ARHGEF6: variants seen among roughly 807,000 people sequenced by gnomAD.
The protein encoded by ARHGEF6 is Rac/Cdc42 guanine nucleotide exchange factor 6.
A neutral mutation model predicts 70.3 loss-of-function variants in ARHGEF6; 9 were observed. That is an observed-to-expected ratio of 0.13 (90% CI 0.08 to 0.22). The LOEUF (loss-of-function observed/expected upper bound fraction) is 0.22, where lower values mean the gene tolerates loss of function less well. Among genes scored for constraint, ARHGEF6 ranks in the 10% least tolerant of loss-of-function variants. The probability of loss-of-function intolerance (pLI) is 1.00; values close to 1 mark genes in which losing one functional copy is unlikely to be tolerated. For synonymous variants in ARHGEF6, 201 were observed against 207.8 expected (o/e 0.97, Z 0.28); for missense variants, 470 against 563.0 (o/e 0.83, Z 1.67).
intron 9 of ARHGEF6, among the ~76,000 whole-genome samples, chrX:136,695,513 CA>C (rs768401046): frequency 1.8e-5 from 2 of 112,506 alleles, no homozygotes; most frequent in South Asian, 7.3e-4. Context: ...AACATTTTAA[CA>C]CATAGAGTTA....
intron 9 of ARHGEF6, among the ~76,000 whole-genome samples, chrX:136,694,715 AG>A (rs1339007616): frequency 9.0e-6 from 1 of 111,657 alleles, no homozygotes; most frequent in Non-Finnish European, 1.9e-5. Flanking sequence ...TGTAAAAGAG[AG>A]GTTATTCCCA....
chrX:136,777,680 A>G (rs1435677464), intron 2 of ARHGEF6, among the ~76,000 whole-genome samples: 2 of 110,635 alleles, frequency 1.8e-5, no homozygotes, highest in Non-Finnish European at 3.8e-5. Context: ...GCAATTGCAA[A>G]GTTATGGACC....
At chrX:136,711,238 C>T (rs1473539873) in intron 7 of ARHGEF6, among the ~76,000 whole-genome samples, 1 of 112,081 alleles carries the variant, frequency 8.9e-6, no homozygotes, top group Non-Finnish European at 1.9e-5. Context: ...CCCTCTCCTT[C>T]ATTTAAAATC....
chrX:136,668,820 G>T (rs1444691853), intron 21 of ARHGEF6, among the ~76,000 whole-genome samples: 1 of 110,703 alleles, frequency 9.0e-6, no homozygotes, highest in Non-Finnish European at 1.9e-5. Context: ...ACCACCATAT[G>T]CAACCAGACA....
chrX:136,695,312 T>C (rs2076499270), intron 9 of ARHGEF6, among the ~76,000 whole-genome samples: 1 of 112,374 alleles, frequency 8.9e-6, no homozygotes, highest in South Asian at 3.6e-4. Flanking sequence ...CCAGTGAGTC[T>C]TCCATCATTT....
chrX:136,766,401 G>T (rs2148681304), intron 2 of ARHGEF6, among the ~76,000 whole-genome samples: 1 of 106,825 alleles, frequency 9.4e-6, no homozygotes, highest in South Asian at 4.3e-4. Context: ...TTGGGGGGGG[G>T]TTATGCAAAG....
chrX:136,673,292 C>T (rs1013031376), intron 19 of ARHGEF6, among the ~76,000 whole-genome samples: 8 of 111,029 alleles, frequency 7.2e-5, no homozygotes, highest in East Asian at 2.8e-4. Context: ...TACCAAGGGA[C>T]GAATATAAGT....
intron 5 of ARHGEF6, among the ~76,000 whole-genome samples, chrX:136,732,621 T>C (rs779704940): frequency 3.9e-4 from 44 of 112,597 alleles, no homozygotes; most frequent in Non-Finnish European, 6.9e-4. Context: ...ATTTTGATAT[T>C]TTCCTGCCTT....
In ARHGEF6 at chrX:136,672,759, C is replaced by G. The variant is rs1372277186; in HGVS notation, c.2036-640G>C. Among the ~76,000 whole-genome samples, 4 of 112,378 alleles carry G rather than the reference C, an allele frequency of 3.6e-5. 1 individual carries two copies. Among genetic ancestry groups the G allele is most frequent in the Middle Eastern group, 9.3e-3 (2 of 216 alleles). ...CTCTGGGACAGAAGAGGTGACAGAACAGGCATGGGGGCCCAACCAAACAGC... is the reference window on the plus strand; with the variant it reads ...CTCTGGGACAGAAGAGGTGACAGAAGAGGCATGGGGGCCCAACCAAACAGC... On this transcript the variant is annotated intron_variant, in intron 19 of 21. Transcript: ENST00000250617.
At chrX:136,775,690 T>C (rs60797069) in intron 2 of ARHGEF6, among the ~76,000 whole-genome samples, 39,814 of 110,162 alleles carry the variant, frequency 0.36, 6,273 homozygotes, top group Non-Finnish European at 0.5. Context: ...CTGGAAGTCC[T>C]AGCCAGAGCA....
intron 2 of ARHGEF6, among the ~76,000 whole-genome samples, chrX:136,748,389 T>C (rs888622016): frequency 1.8e-5 from 2 of 112,711 alleles, no homozygotes; most frequent in African/African-American, 6.5e-5. Context: ...CAATCTGATA[T>C]GCTATTGTCC....
intron 2 of ARHGEF6, among the ~76,000 whole-genome samples, chrX:136,778,330 A>G (rs959673622): frequency 1.4e-4 from 15 of 111,048 alleles, no homozygotes; most frequent in African/African-American, 4.9e-4. Flanking sequence ...CTTAAACCAC[A>G]ACTATTTGTC....
chrX:136,719,134 G>GT (rs1484736700), intron 6 of ARHGEF6, among the ~76,000 whole-genome samples: 1 of 108,742 alleles, frequency 9.2e-6, no homozygotes, highest in Admixed American at 1.0e-4. Flanking sequence ...CAGAAAATCA[G>GT]TAAGGACATA....
intron 9 of ARHGEF6, among the ~76,000 whole-genome samples, chrX:136,693,209 T>C (rs1054291917): frequency 2.7e-5 from 3 of 112,142 alleles, no homozygotes; most frequent in African/African-American, 9.7e-5. Context: ...TTACCTTCCA[T>C]GCAGCATTCT....
At chrX:136,773,439 G>GT (rs1440838223) in intron 2 of ARHGEF6, among the ~76,000 whole-genome samples, 1 of 112,075 alleles carries the variant, frequency 8.9e-6, no homozygotes, top group African/African-American at 3.2e-5. Context: ...AAGATGATGA[G>GT]TCTTCTTGGC....
rs970133862 is a variant in ARHGEF6 at position 136,675,023 on chromosome X, T to C, written c.2019A>G (p.Gln673=). The stretch of plus-strand genomic sequence containing the variant: ...GGAACCTACTTGAGCCATGGCCTTG[T>C]TGAAAATTTGCGCTGGTGCAGTAGG... ...IEAYCTSANF[Q]QGHGSSTRKD... Residue 673 remains glutamine, a synonymous_variant, in exon 19 of 22, where the codon CAA becomes CAG. Coordinates refer to ENST00000250617, the MANE Select transcript of ARHGEF6 (RefSeq NM_004840.3). The C allele has an allele frequency of 4.1e-6, 5 of 1,209,469 alleles. No individual in the cohort carries two copies. The highest frequency in any genetic ancestry group is 1.7e-5 in the African/African-American group (1 of 57,190).
chrX:136,700,025 A>T (rs986333998), intron 9 of ARHGEF6, among the ~76,000 whole-genome samples: 2 of 111,198 alleles, frequency 1.8e-5, no homozygotes, highest in Admixed American at 9.6e-5. Flanking sequence ...TGAGAGGACT[A>T]AAAAAGGCTA....
At chrX:136,747,682 CGGAAAA>C in intron 2 of ARHGEF6, 90 bp from the exon 3 acceptor site, 37 of 191,697 alleles carry the variant, frequency 1.9e-4, no homozygotes, top group East Asian at 3.8e-4. Flanking sequence ...TCCAGCTCTC[CGGAAAA>C]AAAAAAAAAA....
At chrX:136,689,695 C>T (rs2076439420) in intron 10 of ARHGEF6, among the ~76,000 whole-genome samples, 1 of 111,580 alleles carries the variant, frequency 9.0e-6, no homozygotes, top group South Asian at 3.8e-4. Context: ...CTGACAAGCC[C>T]GGCAGAGTGC....
Sources: allele counts gnomAD v4.1 joint callset (sites outside exome capture counted in the v4.1 genomes callset), GRCh38; gene constraint gnomAD v4.1.1; transcripts MANE v1.5; gene names NCBI Gene and HGNC (gene_info 2026-07-23, HGNC 2026-07-21).